GPC1: variants seen among roughly 807,000 people sequenced by gnomAD.
GPC1 encodes the protein glypican 1.
GPC1 carries 26 observed loss-of-function variants against 51.5 expected under a neutral mutation model. The ratio of observed to expected loss-of-function variants is 0.50; its 90% confidence interval spans 0.37 to 0.70. The LOEUF is 0.70. GPC1 is among the 30% of genes least tolerant of loss of function. The probability of loss-of-function intolerance (pLI) is 0.00; values close to 1 mark genes in which losing one functional copy is unlikely to be tolerated. For synonymous variants in GPC1, 380 were observed against 348.3 expected, an observed-to-expected ratio of 1.09 and a Z score of -1.01; for missense variants, 775 against 800.5, an observed-to-expected ratio of 0.97 and a Z score of 0.38.
At chr2:240,465,450 G>C (rs1191629572) in intron 7 of GPC1, 23 bp from the exon 8 acceptor site, 1 of 1,610,404 alleles carries the variant, frequency 6.2e-7, no homozygotes, top group African/African-American at 1.3e-5. Context: ...CAGTGACCTG[G>C]GCTCTGCCTG....
intron 1 of GPC1, among the ~76,000 whole-genome samples, chr2:240,444,200 C>T (rs1388181455): frequency 6.6e-6 from 1 of 152,200 alleles, no homozygotes; most frequent in African/African-American, 2.4e-5. Context: ...CGGTGGGTCT[C>T]CTGAGGTCAG....
rs200269487 is a variant in GPC1, at chr2:240,463,535, G to A, written c.883+23G>A. The stretch of plus-strand genomic sequence containing the variant: ...TGGGTGAGCCCCCACCCGCGAGAGC[G>A]GCCTGGAACTGTCTTGGGGAGTGCA... On this transcript the variant is annotated intron_variant, in intron 4 of 8. Coordinates refer to ENST00000264039, the MANE Select transcript of GPC1 (RefSeq NM_002081.3). The A allele has an allele frequency of 1.9e-4, 310 of 1,609,466 alleles. No individual in the cohort carries two copies. In the East Asian group the frequency reaches 5.0e-3, roughly 26 times the overall value.
At position 240,462,528 on chromosome 2, in the gene GPC1, C is replaced by T; in HGVS notation, c.663C>T (p.Arg221=). Residue 221 remains arginine, a synonymous_variant, in exon 3 of 9, where the codon CGC becomes CGT. Transcript: ENST00000264039. ...CCACCCGTGCCTTCGTGGCTGCTCG[C>T]TCCTTTGTGCAGGGCCTGGGCGTGG... ...LRATRAFVAA[R]SFVQGLGVAS... 6.3e-7 allele frequency: 1 copy of T among 1,577,342 alleles called. No homozygotes were observed. Among genetic ancestry groups the T allele is most frequent in the Non-Finnish European group, 8.6e-7 (1 of 1,162,900 alleles).
Position 240,435,985 on chromosome 2 carries a change from G to T in GPC1, c.67G>T (p.Gly23Trp). Residue 23 changes from glycine (G) to tryptophan (W), a missense_variant, in exon 1 of 9, where the codon GGG becomes TGG. Physicochemically the swap from Gly to Trp is radical, Grantham distance 184. Coordinates refer to ENST00000264039, the MANE Select transcript of GPC1 (RefSeq NM_002081.3). ...AAAALVACAR[G>W]DPASKSRSCG... ...CGCAGCGCTGGTCGCCTGCGCCCGCGGGGACCCGGCCAGCAAGAGCCGGAG... is the reference window on the plus strand; with the variant it reads ...CGCAGCGCTGGTCGCCTGCGCCCGCTGGGACCCGGCCAGCAAGAGCCGGAG... 1.5e-6 allele frequency: 2 copies of T among 1,369,966 alleles called. No homozygotes were observed. Among genetic ancestry groups the T allele is most frequent in the African/African-American group, 1.5e-5 (1 of 66,908 alleles). The allele number at this position is 1,369,966 out of a possible 1,614,324, so 84.9% of individuals were successfully genotyped here. A position where few individuals can be genotyped will look rare whatever the true frequency, so the allele number is the denominator to read the frequency against.
At position 240,456,163 on chromosome 2, in the gene GPC1, G is replaced by A. The variant is rs954494606; in HGVS notation, c.167-2867G>A. On this transcript the variant is annotated intron_variant, in intron 1 of 8. Transcript: ENST00000264039. ...AGGGGTCGGCGGGGGAGGCTGAGGC[G>A]CGGGGGCCGGTGCGCGGCCGTGAGG... The A allele has an allele frequency of 2.3e-5, 6 of 262,040 alleles. No homozygotes were observed. The East Asian group carries it at 5.1e-4, about 22-fold the overall frequency. 16.2% of individuals were successfully genotyped at this position (262,040 alleles called of 1,614,324 possible). A position where few individuals can be genotyped will look rare whatever the true frequency, so the allele number is the denominator to read the frequency against.
At chr2:240,452,581 G>A (rs2074108992) in intron 1 of GPC1, 1 of 152,102 alleles carries the variant, frequency 6.6e-6, no homozygotes, top group Non-Finnish European at 1.5e-5. Flanking sequence ...GGGGAGCCTA[G>A]GAGGCCCGGA....
chr2:240,458,936 G>A, intron 1 of GPC1, 94 bp from the exon 2 acceptor site: 2 of 1,197,380 alleles, frequency 1.7e-6, no homozygotes, highest in Admixed American at 2.0e-5. Context: ...GCTCCACCCT[G>A]GGTCTGCCAT....
chr2:240,455,961 C>T (rs921662650), intron 1 of GPC1: 56 of 415,056 alleles, frequency 1.3e-4, no homozygotes, highest in African/African-American at 1.1e-3. Flanking sequence ...GGCTCCCAGG[C>T]CTTCGCCCGC....
chr2:240,452,729 C>G (rs1194686613), intron 1 of GPC1: 1 of 150,578 alleles, frequency 6.6e-6, no homozygotes, highest in Non-Finnish European at 1.5e-5. Flanking sequence ...TCCAGGGAGA[C>G]GGGGGCGGTG....
chr2:240,441,645 G>A (rs1040169134), intron 1 of GPC1, among the ~76,000 whole-genome samples: 3 of 152,206 alleles, frequency 2.0e-5, no homozygotes, highest in South Asian at 2.1e-4. Context: ...CCAGACAGGA[G>A]CCGCCTGCCC....
At chr2:240,444,545 C>T (rs1056763855) in intron 1 of GPC1, among the ~76,000 whole-genome samples, 2 of 152,164 alleles carry the variant, frequency 1.3e-5, no homozygotes, top group Admixed American at 6.5e-5. Context: ...CATGCAGCAG[C>T]GACCGGATCC....
rs765171605 is a variant in GPC1 at position 240,448,094 on chromosome 2, G to T, written c.167-10936G>T. On this transcript the variant is annotated intron_variant, in intron 1 of 8. Coordinates refer to ENST00000264039, the MANE Select transcript of GPC1 (RefSeq NM_002081.3). The surrounding 1 kb of genome is among the most constrained non-coding windows in gnomAD (Gnocchi z 4.5). Reference sequence around the variant, plus strand: ...CCGGAGGCGCTCTCGAGCCCGCCTTGAGGGTGGCAGCTGGTTTTCAGGAAG... The same window carrying T: ...CCGGAGGCGCTCTCGAGCCCGCCTTTAGGGTGGCAGCTGGTTTTCAGGAAG... Among the ~76,000 whole-genome samples the T allele has an allele frequency of 6.6e-6, 1 of 152,206 alleles. No individual in the cohort carries two copies. Among genetic ancestry groups the T allele is most frequent in the Non-Finnish European group, 1.5e-5 (1 of 68,030 alleles).
intron 1 of GPC1, among the ~76,000 whole-genome samples, chr2:240,440,354 G>C (rs1014054689): frequency 3.3e-5 from 5 of 152,194 alleles, no homozygotes; most frequent in African/African-American, 1.2e-4. Context: ...ACCGAAGCCT[G>C]GTGAAGCGCT....
rs969886885 is a variant in GPC1 at position 240,463,573 on chromosome 2, C to T, written c.883+61C>T. 27 of 1,472,980 alleles carry T rather than the reference C, an allele frequency of 1.8e-5. No homozygotes were observed. In the African/African-American group the frequency reaches 3.3e-4, roughly 18 times the overall value. The allele number at this position is 1,472,980 out of a possible 1,614,324, so 91.2% of individuals were successfully genotyped here. A position where few individuals can be genotyped will look rare whatever the true frequency, so the allele number is the denominator to read the frequency against. ...CTTGGGGAGTGCACGACTGGGGGTCCTGGGGGGCGGGTGGTCCCTAGCTTA... is the reference window on the plus strand; with the variant it reads ...CTTGGGGAGTGCACGACTGGGGGTCTTGGGGGGCGGGTGGTCCCTAGCTTA... On this transcript the variant is annotated intron_variant, in intron 4 of 8. Coordinates refer to ENST00000264039, the MANE Select transcript of GPC1 (RefSeq NM_002081.3).
chr2:240,456,438 C>T (rs956713892), intron 1 of GPC1, among the ~76,000 whole-genome samples: 23 of 152,120 alleles, frequency 1.5e-4, no homozygotes, highest in Non-Finnish European at 2.9e-4. Context: ...AGTCTTGGAC[C>T]AGCTCACTCG....
At chr2:240,436,182 C>G (rs2073982533) in intron 1 of GPC1, 98 bp downstream of exon 1, 6 of 820,944 alleles carry the variant, frequency 7.3e-6, no homozygotes. Flanking sequence ...GGCGCGGGAT[C>G]CTGCCGCCTG....
At chr2:240,446,072 A>G (rs2074048416) in intron 1 of GPC1, among the ~76,000 whole-genome samples, 1 of 152,254 alleles carries the variant, frequency 6.6e-6, no homozygotes, top group Non-Finnish European at 1.5e-5. Context: ...GGCCCACGGC[A>G]CAGAGAAAGT....
chr2:240,453,308 GCTCCCA>G (rs1559198080), intron 1 of GPC1, among the ~76,000 whole-genome samples: 1 of 1,862 alleles, frequency 5.4e-4, no homozygotes, highest in African/African-American at 2.5e-3. Flanking sequence ...TCCCCGCCCC[GCTCCCA>G]CCGCCCGCCC....
At chr2:240,461,973 C>T (rs908569268) in intron 2 of GPC1, among the ~76,000 whole-genome samples, 1 of 152,110 alleles carries the variant, frequency 6.6e-6, no homozygotes, top group Non-Finnish European at 1.5e-5. Flanking sequence ...GAGAGGACCC[C>T]CTGCCACCTG....
Sources: allele counts gnomAD v4.1 joint callset (sites outside exome capture counted in the v4.1 genomes callset), GRCh38; gene constraint gnomAD v4.1.1; non-coding constraint Gnocchi (gnomAD v3.1); transcripts MANE v1.5; gene names NCBI Gene and HGNC (gene_info 2026-07-23, HGNC 2026-07-21).